The following ACER3 variants were observed in gnomAD, a reference collection of about 807,000 sequenced individuals.
ACER3 encodes alkaline ceramidase 3, also known as alkCDase 3.
Under a neutral mutation model 48.9 loss-of-function variants are expected in ACER3, and 16 were observed. The observed-to-expected ratio is 0.33, with a 90% CI of 0.22 to 0.50. The LOEUF (loss-of-function observed/expected upper bound fraction) is 0.50, where lower values mean the gene tolerates loss of function less well. Among genes scored for constraint, ACER3 ranks in the 20% least tolerant of loss-of-function variants. The pLI, the probability that ACER3 is intolerant of heterozygous loss-of-function variation, is 0.98. For synonymous variants in ACER3, 109 were observed against 107.8 expected, an observed-to-expected ratio of 1.01 and a Z score of -0.07; for missense variants, 227 against 326.0, an observed-to-expected ratio of 0.70 and a Z score of 2.34.
chr11:76,996,030 A>G (rs1948902777), intron 6 of ACER3, among the ~76,000 whole-genome samples: 1 of 152,050 alleles, frequency 6.6e-6, no homozygotes, highest in Non-Finnish European at 1.5e-5. Flanking sequence ...TGAACTCACT[A>G]CTTTTCTCCC....
chr11:76,929,115 C>T (rs1031009968), intron 2 of ACER3, among the ~76,000 whole-genome samples: 2 of 151,968 alleles, frequency 1.3e-5, no homozygotes, highest in Admixed American at 6.6e-5. Flanking sequence ...CTTCCATTTG[C>T]TTGTGTCCTC....
chr11:76,984,223 G>T (rs1948643525), intron 4 of ACER3, among the ~76,000 whole-genome samples: 1 of 152,124 alleles, frequency 6.6e-6, no homozygotes, highest in Non-Finnish European at 1.5e-5. Flanking sequence ...TCTGAGGAAG[G>T]GGACAGATAA....
Position 76,861,071 on chromosome 11 carries a change from C to T in ACER3, c.95C>T (p.Ala32Val). 1.3e-6 allele frequency: 2 copies of T among 1,544,524 alleles called. No individual in the cohort carries two copies. The highest frequency in any genetic ancestry group is 1.7e-6 in the Non-Finnish European group (2 of 1,144,286). The change falls in exon 1 of 11, where the codon GCC (alanine) becomes GTC (valine). Residue 32 changes from alanine to valine, a missense_variant. Coordinates refer to ENST00000532485, the MANE Select transcript of ACER3 (RefSeq NM_018367.7). ...AACTACTCCGTGACCTGGTACATCG[C>T]CGAGTTCTGTGAGTGTGGCCTGAGG... ...EENYSVTWYI[A>V]EFWNTVSNLI...
chr11:76,973,023 G>C (rs1948348491), intron 3 of ACER3, among the ~76,000 whole-genome samples: 1 of 152,230 alleles, frequency 6.6e-6, no homozygotes, highest in South Asian at 2.1e-4. Flanking sequence ...ATGTTCCTTT[G>C]TCAAGATAGT....
intron 1 of ACER3, among the ~76,000 whole-genome samples, chr11:76,892,877 CCT>C (rs1052895218): frequency 4.6e-5 from 7 of 151,910 alleles, no homozygotes; most frequent in African/African-American, 1.7e-4. Flanking sequence ...TCAAATTGTC[CCT>C]GTTTGTGGAT....
chr11:76,963,342 A>G (rs1361871908), intron 3 of ACER3, among the ~76,000 whole-genome samples: 2 of 151,546 alleles, frequency 1.3e-5, no homozygotes. Context: ...ACACTTACAG[A>G]CATGAGAGCA....
chr11:76,907,850 G>A (rs949316602), intron 1 of ACER3, among the ~76,000 whole-genome samples: 4 of 152,060 alleles, frequency 2.6e-5, no homozygotes, highest in African/African-American at 7.2e-5. Context: ...CAGCCTGGGC[G>A]ACACAGTGAG....
At chr11:77,006,954 A>T (rs1949163793) in intron 7 of ACER3, among the ~76,000 whole-genome samples, 1 of 152,070 alleles carries the variant, frequency 6.6e-6, no homozygotes, top group Non-Finnish European at 1.5e-5. Context: ...TAAAAAATAA[A>T]TATAAAAATT....
At chr11:76,923,136 C>T (rs12422098) in intron 1 of ACER3, among the ~76,000 whole-genome samples, 1,582 of 135,748 alleles carry the variant, frequency 0.012, 37 homozygotes, top group East Asian at 0.047. Context: ...ATTCTACTCC[C>T]CAGAAGCAAA....
chr11:77,025,621 G>A lies in ACER3; in HGVS notation c.*5294G>A, dbSNP rs1555025594. On this transcript the variant is annotated 3_prime_UTR_variant, in exon 11 of 11. Coordinates refer to ENST00000532485, the MANE Select transcript of ACER3 (RefSeq NM_018367.7). The stretch of plus-strand genomic sequence containing the variant: ...TAGTAGAGCTGGGTTGGCCAGGCTG[G>A]TCTTGAACTCCTGACCTCAAGTGAT... 1.3e-5 allele frequency: 2 copies of A among 152,080 alleles called. No individual in the cohort carries two copies. The highest frequency in any genetic ancestry group is 4.8e-5 in the African/African-American group (2 of 41,348). 9.4% of individuals were successfully genotyped at this position (152,080 alleles called of 1,614,324 possible). A position where few individuals can be genotyped will look rare whatever the true frequency, so the allele number is the denominator to read the frequency against.
rs367720995 is a variant in ACER3 at position 76,990,585 on chromosome 11, G to C, written c.438+11G>C. 5.7e-5 allele frequency: 82 copies of C among 1,426,126 alleles called. 1 individual carries two copies. The African/African-American group carries it at 1.1e-3, about 18-fold the overall frequency. The allele number at this position is 1,426,126 out of a possible 1,614,324, so 88.3% of individuals were successfully genotyped here. ...CCGATATTCCATCAGGTAATTTTTT[G>C]TAAATTATTACACATTAGATTGTTT... is the stretch of plus-strand genomic sequence containing the variant. On this transcript the variant is annotated intron_variant, in intron 6 of 10. Transcript: ENST00000532485.
rs531882962 is a variant in ACER3, at chr11:76,915,725, G to T, written c.104-10832G>T. 1.6e-4 allele frequency among the ~76,000 whole-genome samples: 25 copies of T among 152,322 alleles called. No homozygotes were observed. In the South Asian group the frequency reaches 5.2e-3, roughly 32 times the overall value. On this transcript the variant is annotated intron_variant, in intron 1 of 10. Coordinates refer to ENST00000532485, the MANE Select transcript of ACER3 (RefSeq NM_018367.7). Reference sequence around the variant, plus strand: ...ATTGACTCACAGTTCCACATGGCTGGGGAGACCTCAGGAACCTTACAGTCA... The same window carrying T: ...ATTGACTCACAGTTCCACATGGCTGTGGAGACCTCAGGAACCTTACAGTCA...
chr11:76,892,183 T>C (rs916401343), intron 1 of ACER3, among the ~76,000 whole-genome samples: 11 of 152,150 alleles, frequency 7.2e-5, no homozygotes, highest in African/African-American at 2.4e-4. Flanking sequence ...GAGAATGATA[T>C]CACCCATTTT....
chr11:76,975,924 G>A (rs1948430807), intron 3 of ACER3, among the ~76,000 whole-genome samples: 1 of 134,174 alleles, frequency 7.5e-6, no homozygotes. Context: ...CTGTTGCCCA[G>A]GCTGGAGTGC....
At chr11:76,989,552 A>G (rs1948756368) in intron 5 of ACER3, among the ~76,000 whole-genome samples, 1 of 152,172 alleles carries the variant, frequency 6.6e-6, no homozygotes, top group Admixed American at 6.5e-5. Context: ...AAAGATAAGT[A>G]ATGAATAGAG....
chr11:77,016,882 C>T (rs1949382641), intron 9 of ACER3, 103 bp downstream of exon 9: 4 of 580,264 alleles, frequency 6.9e-6, no homozygotes, highest in African/African-American at 5.8e-5. Flanking sequence ...CTAGAAAATT[C>T]ACAAACATGA....
intron 4 of ACER3, among the ~76,000 whole-genome samples, chr11:76,982,529 ATAGCTTTTT>A (rs1948608649): frequency 6.6e-6 from 1 of 152,060 alleles, no homozygotes. Flanking sequence ...TTTTTATAAA[ATAGCTTTTT>A]TTCTTTTTGA....
chr11:76,940,149 A>AT (rs920424938), intron 2 of ACER3, among the ~76,000 whole-genome samples: 65 of 148,376 alleles, frequency 4.4e-4, no homozygotes, highest in Admixed American at 7.4e-4. Flanking sequence ...AGATACTTAA[A>AT]TTTTTTTTTT....
At chr11:76,975,234 G>T (rs1345465250) in intron 3 of ACER3, among the ~76,000 whole-genome samples, 1 of 152,046 alleles carries the variant, frequency 6.6e-6, no homozygotes, top group African/African-American at 2.4e-5. Context: ...CGAACTCCTT[G>T]AAGGCAGTGA....
Sources: allele counts gnomAD v4.1 joint callset (sites outside exome capture counted in the v4.1 genomes callset), GRCh38; gene constraint gnomAD v4.1.1; transcripts MANE v1.5; gene names NCBI Gene and HGNC (gene_info 2026-07-23, HGNC 2026-07-21).